Variants in NRG1 observed in about 807,000 individuals in gnomAD.
NRG1 encodes the protein neuregulin 1.
In NRG1, 18 loss-of-function variants were observed where a neutral mutation model predicts 63.8. That is an observed-to-expected ratio of 0.28 (90% CI 0.19 to 0.42). The LOEUF (loss-of-function observed/expected upper bound fraction) is 0.42. NRG1 is among the 10% of genes least tolerant of loss of function. NRG1 has a pLI of 1.00. For synonymous variants in NRG1, 302 were observed against 301.3 expected, an observed-to-expected ratio of 1.00 and a Z score of -0.02; for missense variants, 762 against 814.7, an observed-to-expected ratio of 0.94 and a Z score of 0.79.
chr8:31,778,586 A>G (rs79863643), intron 1 of NRG1, among the ~76,000 whole-genome samples: 1 of 152,178 alleles, frequency 6.6e-6, no homozygotes, highest in Non-Finnish European at 1.5e-5. Flanking sequence ...TCAACACTGA[A>G]CGTAGAAATG....
chr8:32,080,704 G>A (rs1409812387), intron 1 of NRG1, among the ~76,000 whole-genome samples: 2 of 151,948 alleles, frequency 1.3e-5, no homozygotes, highest in African/African-American at 4.8e-5. Flanking sequence ...TGCTAGGTGA[G>A]ATATGGCAGG....
intron 1 of NRG1, among the ~76,000 whole-genome samples, chr8:31,854,373 C>A (rs192432946): frequency 6.6e-6 from 1 of 152,324 alleles, no homozygotes; most frequent in African/African-American, 2.4e-5. Context: ...TTATCCATTT[C>A]TTCTAGATTT....
chr8:31,897,860 C>A (rs1240645834), intron 1 of NRG1, among the ~76,000 whole-genome samples: 14 of 146,900 alleles, frequency 9.5e-5, no homozygotes, highest in South Asian at 2.2e-4. Context: ...ACTAAAAATA[C>A]AAAAAAAAAA....
At chr8:32,252,319 T>A in intron 1 of NRG1, among the ~76,000 whole-genome samples, 1 of 152,226 alleles carries the variant, frequency 6.6e-6, no homozygotes, top group Non-Finnish European at 1.5e-5. Context: ...CAGAGTTTTA[T>A]GGTTTTAGGT....
chr8:32,126,280 C>T (rs1218222786), intron 1 of NRG1, among the ~76,000 whole-genome samples: 1 of 151,872 alleles, frequency 6.6e-6, no homozygotes, highest in Non-Finnish European at 1.5e-5. Context: ...TGTGTAACCA[C>T]TTAATCTACC....
At chr8:32,224,794 C>T (rs1846161117) in intron 1 of NRG1, among the ~76,000 whole-genome samples, 1 of 152,158 alleles carries the variant, frequency 6.6e-6, no homozygotes, top group East Asian at 1.9e-4. Flanking sequence ...CTGACATGGA[C>T]ATTTGCTATC....
intron 1 of NRG1, among the ~76,000 whole-genome samples, chr8:32,437,639 T>A (rs1249897152): frequency 6.6e-6 from 1 of 152,184 alleles, no homozygotes; most frequent in African/African-American, 2.4e-5. Flanking sequence ...AATACCTTAC[T>A]ACTGCATTAT....
rs778564202 is a variant in NRG1, at chr8:31,640,462, T to C, written c.37+1031T>C. On this transcript the variant is annotated intron_variant, in intron 1 of 10. Transcript: ENST00000519301. This position sits in a 1 kb window ranked among gnomAD's most constrained non-coding sequence, Gnocchi z 6.3. ...CGGCGAGCCCGGGGAGGAGGCGCCC[T>C]ATCTGGTGAAGGTGCACCAGGTGTG... 13 of 1,578,564 alleles carry C rather than the reference T, an allele frequency of 8.2e-6. No individual in the cohort carries two copies. The South Asian group carries it at 1.3e-4, about 15-fold the overall frequency.
chr8:31,821,429 C>T (rs1397763678), intron 1 of NRG1, among the ~76,000 whole-genome samples: 2 of 152,152 alleles, frequency 1.3e-5, no homozygotes, highest in African/African-American at 2.4e-5. Flanking sequence ...GAACTACAAG[C>T]GTCATGGCTA....
chr8:32,498,119 G>A (rs1362807435), intron 1 of NRG1, among the ~76,000 whole-genome samples: 1 of 152,086 alleles, frequency 6.6e-6, no homozygotes, highest in Non-Finnish European at 1.5e-5. Flanking sequence ...CACTGTGCCC[G>A]GCCCCACAAT....
chr8:32,161,147 T>C (rs1233259799), intron 1 of NRG1, among the ~76,000 whole-genome samples: 1 of 152,062 alleles, frequency 6.6e-6, no homozygotes, highest in Non-Finnish European at 1.5e-5. Context: ...CCACCCCTCA[T>C]TCCCTCATTA....
At chr8:32,173,289 C>T (rs1840289121) in intron 1 of NRG1, among the ~76,000 whole-genome samples, 1 of 152,074 alleles carries the variant, frequency 6.6e-6, no homozygotes, top group South Asian at 2.1e-4. Context: ...CAAGCAAATG[C>T]TGAGAGATTT....
intron 1 of NRG1, among the ~76,000 whole-genome samples, chr8:32,304,976 C>G (rs1287988974): frequency 6.6e-6 from 1 of 152,060 alleles, no homozygotes; most frequent in African/African-American, 2.4e-5. Context: ...GAACATGCCA[C>G]TGCACTCCAG....
intron 1 of NRG1, among the ~76,000 whole-genome samples, chr8:32,182,252 C>A (rs910006105): frequency 1.3e-5 from 2 of 151,420 alleles, no homozygotes; most frequent in African/African-American, 2.4e-5. Context: ...AAATGATACA[C>A]AATTTTTTTT....
intron 7 of NRG1, chr8:32,749,569 G>A (rs1828270830): frequency 1.2e-6 from 2 of 1,613,576 alleles, no homozygotes; most frequent in African/African-American, 2.7e-5. Context: ...AGAGCATCTT[G>A]GGATTGAATT....
At chr8:32,743,149 G>A (rs993930765) in intron 7 of NRG1, 5 of 990,474 alleles carry the variant, frequency 5.0e-6, no homozygotes, top group African/African-American at 1.7e-5. Context: ...AGCTGTAACC[G>A]ATATGCACTT....
intron 1 of NRG1, among the ~76,000 whole-genome samples, chr8:32,003,192 A>T (rs1213843553): frequency 6.6e-6 from 1 of 152,072 alleles, no homozygotes; most frequent in East Asian, 1.9e-4. Flanking sequence ...CCTGCATTCC[A>T]TCCTGTGATA....
At chr8:32,743,052 C>T in intron 7 of NRG1, 1 of 1,124,240 alleles carries the variant, frequency 8.9e-7, no homozygotes, top group Non-Finnish European at 1.1e-6. Context: ...ATTTCAAAGT[C>T]TCACTTTTAT....
At chr8:32,077,052 C>T (rs540641150) in intron 1 of NRG1, among the ~76,000 whole-genome samples, 41 of 152,202 alleles carry the variant, frequency 2.7e-4, no homozygotes, top group African/African-American at 8.9e-4. Flanking sequence ...TAATAAACAA[C>T]GTTAAACACT....
Sources: gnomAD v4.1 joint callset for allele counts (sites outside exome capture counted in the v4.1 genomes callset) on GRCh38, gnomAD v4.1.1 for gene constraint, Gnocchi (gnomAD v3.1) non-coding constraint, MANE v1.5 for transcripts, NCBI Gene and HGNC (gene_info 2026-07-23, HGNC 2026-07-21) for gene names.